Variants in MEF2B observed in about 807,000 individuals in gnomAD.
MEF2B encodes myocyte enhancer factor 2B, also known as myocyte-specific enhancer factor 2B.
A neutral mutation model predicts 32.2 loss-of-function variants in MEF2B; 15 were observed. The observed-to-expected ratio is 0.47, with a 90% confidence interval of 0.31 to 0.72. The LOEUF is 0.72. Ranked by LOEUF, MEF2B falls within the 30% of genes least tolerant of loss-of-function variation. The pLI, the probability that MEF2B is intolerant of heterozygous loss-of-function variation, is 0.05. For synonymous variants in MEF2B, 205 were observed against 225.6 expected, an observed-to-expected ratio of 0.91 and a Z score of 0.82; for missense variants, 441 against 511.5, an observed-to-expected ratio of 0.86 and a Z score of 1.33.
chr19:19,169,801 TAGG>T, intron 1 of MEF2B, among the ~76,000 whole-genome samples: 1 of 152,002 alleles, frequency 6.6e-6, no homozygotes, highest in African/African-American at 2.4e-5. Flanking sequence ...CAAGAAGGCA[TAGG>T]GTTGTGCACA....
intron 1 of MEF2B, among the ~76,000 whole-genome samples, chr19:19,169,160 C>T (rs1261181836): frequency 6.6e-6 from 1 of 152,050 alleles, no homozygotes; most frequent in Non-Finnish European, 1.5e-5. Flanking sequence ...CAAGACCAGC[C>T]TGGCCAACAT....
intron 1 of MEF2B, among the ~76,000 whole-genome samples, chr19:19,157,693 C>A (rs1599728801): frequency 6.6e-6 from 1 of 152,114 alleles, no homozygotes; most frequent in East Asian, 1.9e-4. Flanking sequence ...ACTAAAAATA[C>A]AAAAATTAGC....
Position 19,147,225 on chromosome 19 carries a change from A to G in MEF2B, c.394-42T>C. ...GATGGGTCAGAGGACCCCAGGCCAG[A>G]TGGGGGTGCCAAGTCCAAGGGAGAA... On this transcript the variant is annotated intron_variant, in intron 4 of 8. Transcript: ENST00000424583. 2.9e-6 allele frequency: 2 copies of G among 697,002 alleles called. 1 individual carries two copies. Among genetic ancestry groups the G allele is most frequent in the Non-Finnish European group, 3.9e-6 (2 of 518,646 alleles). The allele number at this position is 697,002 out of a possible 1,614,324, so 43.2% of individuals were successfully genotyped here. A position where few individuals can be genotyped will look rare whatever the true frequency, so the allele number is the denominator to read the frequency against.
intron 1 of MEF2B, among the ~76,000 whole-genome samples, chr19:19,170,004 A>C (rs1267978917): frequency 6.6e-6 from 1 of 151,538 alleles, no homozygotes; most frequent in Admixed American, 6.6e-5. Context: ...CCAGACCCAC[A>C]CCCTTCAGAC....
chr19:19,151,958 A>ATTT (rs201703145), intron 1 of MEF2B, among the ~76,000 whole-genome samples: 4,083 of 116,476 alleles, frequency 0.035, 312 homozygotes, highest in African/African-American at 0.12. Context: ...CCCCATCTCT[A>ATTT]TTTTTTTTTT....
At chr19:19,156,364 A>G (rs768628937) in intron 1 of MEF2B, among the ~76,000 whole-genome samples, 1 of 151,504 alleles carries the variant, frequency 6.6e-6, no homozygotes, top group Non-Finnish European at 1.5e-5. Flanking sequence ...TTCAAGACCA[A>G]CCTAGGCAAC....
intron 4 of MEF2B, 146 bp from the exon 5 acceptor site, chr19:19,147,329 C>T: frequency 1.1e-6 from 1 of 937,912 alleles, no homozygotes; most frequent in Non-Finnish European, 1.5e-6. Context: ...CTACCTGCTC[C>T]TCCCCCTGCC....
At chr19:19,146,714 A>G in intron 6 of MEF2B, 28 bp downstream of exon 6, 1 of 1,613,798 alleles carries the variant, frequency 6.2e-7, no homozygotes, top group African/African-American at 1.3e-5. Context: ...TGCCCTCATC[A>G]GCCCTGCCAC....
At chr19:19,146,215 G>T in intron 8 of MEF2B, 58 bp downstream of exon 8, 1 of 881,104 alleles carries the variant, frequency 1.1e-6, no homozygotes, top group Non-Finnish European at 1.6e-6. Context: ...GCCACCAGGG[G>T]TCAGCAGCGG....
intron 1 of MEF2B, among the ~76,000 whole-genome samples, chr19:19,165,913 C>A (rs2060204012): frequency 6.6e-6 from 1 of 152,110 alleles, no homozygotes. Flanking sequence ...GGAAACAGCA[C>A]CTGGCAGAGG....
In MEF2B at chr19:19,170,240, G is replaced by C; in HGVS notation, c.-65C>G. 2.5e-6 allele frequency: 1 copy of C among 398,520 alleles called. No individual in the cohort carries two copies. The highest frequency in any genetic ancestry group is 4.4e-6 in the Non-Finnish European group (1 of 225,980). The allele number at this position is 398,520 out of a possible 1,614,324, so 24.7% of individuals were successfully genotyped here. A position where few individuals can be genotyped will look rare whatever the true frequency, so the allele number is the denominator to read the frequency against. ...TGGGCCCTGGGACGCTGGGCGCACG[G>C]ACCCGCGGCGGCTGCACGAAGATCA... is the stretch of plus-strand genomic sequence containing the variant. On this transcript the variant is annotated 5_prime_UTR_variant, in exon 1 of 9. Coordinates refer to ENST00000424583, the MANE Select transcript of MEF2B (RefSeq NM_001145785.2).
Position 19,170,238 on chromosome 19 carries a change from C to G in MEF2B, c.-63G>C, listed in dbSNP as rs2060243260. 1 of 398,392 alleles carries G rather than the reference C, an allele frequency of 2.5e-6. No individual in the cohort carries two copies. Among genetic ancestry groups the G allele is most frequent in the Non-Finnish European group, 4.4e-6 (1 of 225,966 alleles). 24.7% of individuals were successfully genotyped at this position (398,392 alleles called of 1,614,324 possible). On this transcript the variant is annotated 5_prime_UTR_variant, in exon 1 of 9. Coordinates refer to ENST00000424583, the MANE Select transcript of MEF2B (RefSeq NM_001145785.2). ...CCTGGGCCCTGGGACGCTGGGCGCA[C>G]GGACCCGCGGCGGCTGCACGAAGAT...
intron 1 of MEF2B, among the ~76,000 whole-genome samples, chr19:19,155,864 C>T (rs1322593427): frequency 2.0e-5 from 3 of 152,200 alleles, no homozygotes; most frequent in Non-Finnish European, 2.9e-5. Flanking sequence ...AGGCCTCTTC[C>T]GCACACACAT....
chr19:19,145,868 AC>A lies in MEF2B; in HGVS notation c.1035del (p.Ser346ProfsTer58). The A allele has an allele frequency of 6.7e-7, 1 of 1,482,116 alleles. No homozygotes were observed. Among genetic ancestry groups the A allele is most frequent in the Non-Finnish European group, 9.0e-7 (1 of 1,114,296 alleles). 91.8% of individuals were successfully genotyped at this position (1,482,116 alleles called of 1,614,324 possible). On this transcript the variant is annotated frameshift_variant, in exon 9 of 9. Coordinates refer to ENST00000424583, the MANE Select transcript of MEF2B (RefSeq NM_001145785.2). LOFTEE classifies it high-confidence loss of function. This position sits in a 1 kb window ranked among gnomAD's most constrained non-coding sequence, Gnocchi z 4.6. ...CCAGGCCGCAGAGGCTCTGCCAGGG[AC>A]CGGGCGAGGAGCAAGGGATAGGGGA... is the stretch of plus-strand genomic sequence containing the variant. Reference protein sequence around the residue: ...KTFPYPLLLARSLAEPLRPGP... With the variant: ...KTFPYPLLLAXSLAEPLRPGP...
chr19:19,149,080 T>G (rs1008614273), intron 3 of MEF2B, 146 bp downstream of exon 3: 1 of 1,002,566 alleles, frequency 1.0e-6, no homozygotes. Flanking sequence ...GAGTGGAGGG[T>G]CCCTTCTAGG....
chr19:19,169,317 A>G (rs1406340925), intron 1 of MEF2B, among the ~76,000 whole-genome samples: 1 of 151,482 alleles, frequency 6.6e-6, no homozygotes. Flanking sequence ...TCACCACTGT[A>G]CTCCAGCCTG....
intron 1 of MEF2B, among the ~76,000 whole-genome samples, chr19:19,158,000 C>T (rs938615601): frequency 6.6e-6 from 1 of 152,162 alleles, no homozygotes; most frequent in Non-Finnish European, 1.5e-5. Flanking sequence ...GGTTTGGGTA[C>T]ACAGATATGT....
At chr19:19,156,550 G>A (rs772108678) in intron 1 of MEF2B, among the ~76,000 whole-genome samples, 1 of 151,992 alleles carries the variant, frequency 6.6e-6, no homozygotes, top group Non-Finnish European at 1.5e-5. Context: ...ATGTTTAAAG[G>A]CCCAGGTGGT....
At chr19:19,166,589 T>G (rs1599737215) in intron 1 of MEF2B, among the ~76,000 whole-genome samples, 1 of 74,074 alleles carries the variant, frequency 1.3e-5, no homozygotes, top group Admixed American at 1.5e-4. Flanking sequence ...GACCCCCCCA[T>G]CTCCAATTAA....
Sources: allele counts gnomAD v4.1 joint callset (sites outside exome capture counted in the v4.1 genomes callset), GRCh38; gene constraint gnomAD v4.1.1; non-coding constraint Gnocchi (gnomAD v3.1); transcripts MANE v1.5; gene names NCBI Gene and HGNC (gene_info 2026-07-23, HGNC 2026-07-21).